Variants in PTPRG observed in about 807,000 individuals in gnomAD.
The protein encoded by PTPRG is receptor-type tyrosine-protein phosphatase gamma.
Under a neutral mutation model 165.3 loss-of-function variants are expected in PTPRG, and 102 were observed. That is an observed-to-expected ratio of 0.62 (90% CI 0.53 to 0.73). PTPRG has a LOEUF of 0.73. Ranked by LOEUF, PTPRG falls within the 30% of genes least tolerant of loss-of-function variation. PTPRG has a pLI of 0.00. For synonymous variants in PTPRG, 675 were observed against 669.5 expected (o/e 1.01, Z -0.13); for missense variants, 1,866 against 1,861.4 (o/e 1.00, Z -0.05).
chr3:62,180,451 T>C (rs758819996), intron 8 of PTPRG, among the ~76,000 whole-genome samples: 2 of 152,132 alleles, frequency 1.3e-5, no homozygotes, highest in Admixed American at 6.5e-5. Flanking sequence ...AGACACTCAG[T>C]TGGAGCCCTT....
chr3:62,231,822 G>T (rs935651813), intron 14 of PTPRG, among the ~76,000 whole-genome samples: 28 of 143,422 alleles, frequency 2.0e-4, no homozygotes, highest in African/African-American at 5.1e-4. Flanking sequence ...TGGTGAAGTT[G>T]TTTTTTTTTT....
At chr3:61,715,173 TTTTTTCTTTG>T (rs1252036464) in intron 1 of PTPRG, among the ~76,000 whole-genome samples, 1 of 151,772 alleles carries the variant, frequency 6.6e-6, no homozygotes. Flanking sequence ...TGCTTGCTTT[TTTTTTCTTTG>T]TTTTTTTTTT....
Position 62,217,155 on chromosome 3 carries a change from T to G in PTPRG, c.2156-1696T>G, listed in dbSNP as rs1700532609. Among the ~76,000 whole-genome samples, 1 of 152,070 alleles carries G rather than the reference T, an allele frequency of 6.6e-6. No individual in the cohort carries two copies. ...GCACAGTAGGGGCTTGGTAAGAATC[T>G]CTCCTATCTAATGAAAAAATGGAGC... is the stretch of plus-strand genomic sequence containing the variant. On this transcript the variant is annotated intron_variant, in intron 12 of 29. Transcript: ENST00000474889. The surrounding 1 kb of genome is among the most constrained non-coding windows in gnomAD (Gnocchi z 4.3).
intron 1 of PTPRG, among the ~76,000 whole-genome samples, chr3:61,678,149 C>T (rs566636797): frequency 6.6e-6 from 1 of 152,228 alleles, no homozygotes; most frequent in East Asian, 1.9e-4. Context: ...GTCTCATAAG[C>T]AAACCAAAGG....
At chr3:61,698,226 C>T (rs2030724481) in intron 1 of PTPRG, among the ~76,000 whole-genome samples, 1 of 152,054 alleles carries the variant, frequency 6.6e-6, no homozygotes, top group Non-Finnish European at 1.5e-5. Context: ...TTCTTTTTCC[C>T]TACAATTTGA....
intron 5 of PTPRG, chr3:62,124,517 T>C: frequency 3.1e-5 from 49 of 1,568,424 alleles, no homozygotes; most frequent in Non-Finnish European, 4.1e-5. Context: ...GCTCATCAGG[T>C]CATCCACCGG....
intron 1 of PTPRG, among the ~76,000 whole-genome samples, chr3:61,690,089 C>G (rs2030089999): frequency 6.6e-6 from 1 of 152,206 alleles, no homozygotes; most frequent in Non-Finnish European, 1.5e-5. Context: ...TGGACACTGT[C>G]TCAACCATCC....
chr3:61,650,962 T>G (rs1702333029), intron 1 of PTPRG, among the ~76,000 whole-genome samples: 1 of 152,178 alleles, frequency 6.6e-6, no homozygotes, highest in Non-Finnish European at 1.5e-5. Flanking sequence ...TGAACCTATA[T>G]TTTTTGCTGT....
intron 1 of PTPRG, chr3:61,659,234 T>C (rs1702595321): frequency 1.2e-6 from 1 of 846,852 alleles, no homozygotes; most frequent in African/African-American, 1.8e-5. Context: ...TCAGCCTGAA[T>C]AGATGTTCTC....
chr3:61,912,987 A>C (rs915379014), intron 2 of PTPRG, among the ~76,000 whole-genome samples: 5 of 152,240 alleles, frequency 3.3e-5, no homozygotes, highest in Admixed American at 1.3e-4. Context: ...ACAGCTGGGC[A>C]GGCTGCTCAC....
intron 5 of PTPRG, among the ~76,000 whole-genome samples, chr3:62,117,476 C>G (rs934952145): frequency 2.6e-5 from 4 of 152,130 alleles, no homozygotes; most frequent in Admixed American, 1.3e-4. Context: ...AAAGCTGTTT[C>G]TAGATTTTTG....
intron 4 of PTPRG, among the ~76,000 whole-genome samples, chr3:62,045,833 A>C (rs998403061): frequency 6.6e-6 from 1 of 152,250 alleles, no homozygotes; most frequent in African/African-American, 2.4e-5. Context: ...CTTTGCATTA[A>C]TTCATAAACA....
chr3:61,976,357 T>G (rs995770454), intron 2 of PTPRG, among the ~76,000 whole-genome samples: 13 of 152,208 alleles, frequency 8.5e-5, no homozygotes, highest in African/African-American at 2.9e-4. Context: ...GGTCAGAAAT[T>G]GGATGACAGT....
chr3:61,591,243 A>G (rs1182951625), intron 1 of PTPRG, among the ~76,000 whole-genome samples: 1 of 152,240 alleles, frequency 6.6e-6, no homozygotes, highest in Non-Finnish European at 1.5e-5. Flanking sequence ...ATCATAGGAT[A>G]ATAGAAACGA....
At chr3:61,929,538 A>G (rs1045998611) in intron 2 of PTPRG, among the ~76,000 whole-genome samples, 1 of 152,182 alleles carries the variant, frequency 6.6e-6, no homozygotes, top group Admixed American at 6.5e-5. Context: ...AAGTTCATGC[A>G]TTGCACCTAA....
intron 4 of PTPRG, among the ~76,000 whole-genome samples, chr3:62,005,805 C>T (rs2041284740): frequency 7.4e-6 from 1 of 135,176 alleles, no homozygotes; most frequent in African/African-American, 2.8e-5. Context: ...TGGGTTCAAG[C>T]AATTCTCCTG....
At chr3:61,946,555 T>C (rs2107615883) in intron 2 of PTPRG, among the ~76,000 whole-genome samples, 1 of 152,322 alleles carries the variant, frequency 6.6e-6, no homozygotes, top group African/African-American at 2.4e-5. Context: ...ACTACATAGA[T>C]TGTGCTGTGC....
At chr3:61,696,481 G>C (rs1370838049) in intron 1 of PTPRG, among the ~76,000 whole-genome samples, 1 of 152,158 alleles carries the variant, frequency 6.6e-6, no homozygotes, top group African/African-American at 2.4e-5. Context: ...CATCCTGGGC[G>C]ACAAGAGTGG....
rs1553644926 is a variant in PTPRG, at chr3:61,653,903, G to GTGT, written c.85+91531_85+91532insTGT. On this transcript the variant is annotated intron_variant, in intron 1 of 29. Coordinates refer to ENST00000474889, the MANE Select transcript of PTPRG (RefSeq NM_002841.4). ...AGGTTGTTAAGCGGGGAGCGGTGGGGGGCGCGGGGAACTGTAAGGGAACAT... is the reference window on the plus strand; with the variant it reads ...AGGTTGTTAAGCGGGGAGCGGTGGGGTGTGGCGCGGGGAACTGTAAGGGAACAT... Among the ~76,000 whole-genome samples the GTGT allele has an allele frequency of 1.5e-5, 2 of 137,826 alleles. 1 individual carries two copies. Among genetic ancestry groups the GTGT allele is most frequent in the African/African-American group, 5.3e-5 (2 of 37,808 alleles). 90.4% of individuals were successfully genotyped at this position (137,826 alleles called of 152,430 possible).
Sources: allele counts gnomAD v4.1 joint callset (sites outside exome capture counted in the v4.1 genomes callset), GRCh38; gene constraint gnomAD v4.1.1; non-coding constraint Gnocchi (gnomAD v3.1); transcripts MANE v1.5; gene names NCBI Gene and HGNC (gene_info 2026-07-23, HGNC 2026-07-21).